Variants in CREB1 observed in about 807,000 individuals in gnomAD.
CREB1 encodes cyclic AMP-responsive element-binding protein 1.
Under a neutral mutation model 42.0 loss-of-function variants are expected in CREB1, and 2 were observed. The observed-to-expected ratio is 0.05, with a 90% CI of 0.02 to 0.15. CREB1 has a LOEUF of 0.15. Among genes scored for constraint, CREB1 ranks in the 10% least tolerant of loss-of-function variants. The pLI, the probability that CREB1 is intolerant of heterozygous loss-of-function variation, is 1.00. For synonymous variants in CREB1, 123 were observed against 139.9 expected, an observed-to-expected ratio of 0.88 and a Z score of 0.85; for missense variants, 199 against 388.9, an observed-to-expected ratio of 0.51 and a Z score of 4.11.
At chr2:207,556,952 C>T (rs2081750105) in intron 2 of CREB1, among the ~76,000 whole-genome samples, 1 of 152,108 alleles carries the variant, frequency 6.6e-6, no homozygotes, top group Non-Finnish European at 1.5e-5. Flanking sequence ...GCCTGGCCAA[C>T]ATGGTGAAAC....
At chr2:207,565,982 CATT>C (rs1424435309) in intron 3 of CREB1, among the ~76,000 whole-genome samples, 1 of 152,178 alleles carries the variant, frequency 6.6e-6, no homozygotes, top group Non-Finnish European at 1.5e-5. Flanking sequence ...GTAATTACAG[CATT>C]ATTATTCTGC....
intron 5 of CREB1, among the ~76,000 whole-genome samples, chr2:207,574,250 G>A (rs1344612497): frequency 6.6e-6 from 1 of 152,160 alleles, no homozygotes; most frequent in Non-Finnish European, 1.5e-5. Flanking sequence ...CAGACATGTT[G>A]ACTTTCCTGC....
At chr2:207,552,042 C>CAA (rs71036931) in intron 1 of CREB1, among the ~76,000 whole-genome samples, 38,106 of 70,236 alleles carry the variant, frequency 0.54, 10,444 homozygotes, top group East Asian at 0.88. Context: ...AACTCCGTCT[C>CAA]AAAAAAAAAA....
At chr2:207,576,792 T>C in intron 6 of CREB1, 13 of 1,040,340 alleles carry the variant, frequency 1.2e-5, no homozygotes, top group Non-Finnish European at 1.5e-5. Flanking sequence ...TTCAAATTTT[T>C]TTAAGTAACA....
intron 5 of CREB1, among the ~76,000 whole-genome samples, chr2:207,571,021 C>CTTTTTTTT (rs1559044431): frequency 1.2e-4 from 2 of 16,684 alleles, no homozygotes; most frequent in Non-Finnish European, 6.9e-4. Flanking sequence ...TCTCTTTTTC[C>CTTTTTTTT]CTTTTTTTTT....
chr2:207,532,775 G>A (rs2080702092), intron 1 of CREB1, among the ~76,000 whole-genome samples: 1 of 151,738 alleles, frequency 6.6e-6, no homozygotes, highest in Non-Finnish European at 1.5e-5. Context: ...TTTTGAGACG[G>A]AGTTTGGCCC....
intron 5 of CREB1, among the ~76,000 whole-genome samples, chr2:207,573,564 T>A (rs961395815): frequency 1.3e-5 from 2 of 152,074 alleles, no homozygotes; most frequent in Admixed American, 6.6e-5. Context: ...AGCAAAACCC[T>A]GTCTCTACAA....
intron 2 of CREB1, chr2:207,559,374 A>AGTAATGAGGTTT: frequency 2.8e-6 from 2 of 719,410 alleles, no homozygotes; most frequent in Non-Finnish European, 3.4e-6. Context: ...TTTTTCTTTT[A>AGTAATGAGGTTT]GCAAACCTCA....
intron 6 of CREB1, among the ~76,000 whole-genome samples, chr2:207,575,865 C>A (rs998682145): frequency 8.4e-5 from 11 of 131,618 alleles, no homozygotes; most frequent in Non-Finnish European, 1.6e-4. Context: ...GTTTTTTCAT[C>A]TGTAAAATAA....
Position 207,604,728 on chromosome 2 carries a change from T to TA in CREB1, c.*7671dup, listed in dbSNP as rs1318289614. 6.6e-6 allele frequency among the ~76,000 whole-genome samples: 1 copy of TA among 152,186 alleles called. No individual in the cohort carries two copies. The highest frequency in any genetic ancestry group is 2.4e-5 in the African/African-American group (1 of 41,444). ...CATCACTCCAAAAGTAAAGTCCCGT[T>TA]ACTCTCCATTTTCTCCTCCCACCGC... is the stretch of plus-strand genomic sequence containing the variant. On this transcript the variant is annotated 3_prime_UTR_variant, in exon 8 of 8. Coordinates refer to ENST00000353267, the MANE Select transcript of CREB1 (RefSeq NM_004379.5).
rs547646026 is a variant in CREB1 at position 207,576,285 on chromosome 2, G to A, written c.688+831G>A. On this transcript the variant is annotated intron_variant, in intron 6 of 7. Transcript: ENST00000353267. ...AGTTTTTTTTTTCTGTTTATTTCAG[G>A]AATCTTTATGGATAGCAGTTAACCA... Among the ~76,000 whole-genome samples the A allele has an allele frequency of 6.6e-5, 9 of 135,994 alleles. No individual in the cohort carries two copies. The South Asian group carries it at 2.1e-3, about 31-fold the overall frequency. 89.2% of individuals were successfully genotyped at this position (135,994 alleles called of 152,430 possible). A position where few individuals can be genotyped will look rare whatever the true frequency, so the allele number is the denominator to read the frequency against.
chr2:207,578,976 C>T (rs925072795), intron 7 of CREB1, among the ~76,000 whole-genome samples: 4 of 152,018 alleles, frequency 2.6e-5, no homozygotes, highest in Non-Finnish European at 5.9e-5. Context: ...TTAGTAGAGA[C>T]ATGATTTCAC....
intron 5 of CREB1, among the ~76,000 whole-genome samples, chr2:207,571,021 C>CTTTTTTTTTT (rs1559044431): frequency 1.4e-3 from 24 of 16,662 alleles, no homozygotes; most frequent in Non-Finnish European, 7.6e-3. Flanking sequence ...TCTCTTTTTC[C>CTTTTTTTTTT]CTTTTTTTTT....
At chr2:207,533,129 A>G (rs957348522) in intron 1 of CREB1, among the ~76,000 whole-genome samples, 4 of 152,082 alleles carry the variant, frequency 2.6e-5, no homozygotes, top group Admixed American at 6.5e-5. Flanking sequence ...AAAGCTAATA[A>G]ATTACTTGAC....
At chr2:207,584,184 T>C (rs1236864666) in intron 7 of CREB1, among the ~76,000 whole-genome samples, 1 of 152,234 alleles carries the variant, frequency 6.6e-6, no homozygotes, top group Non-Finnish European at 1.5e-5. Flanking sequence ...GTAGGCTGGT[T>C]GCATGAAATG....
chr2:207,538,973 A>G (rs2080985078), intron 1 of CREB1, among the ~76,000 whole-genome samples: 1 of 151,958 alleles, frequency 6.6e-6, no homozygotes, highest in South Asian at 2.1e-4. Context: ...AGTTGGCAGT[A>G]GGGGACACAG....
chr2:207,549,748 C>T (rs1042199711), intron 1 of CREB1, among the ~76,000 whole-genome samples: 2 of 152,030 alleles, frequency 1.3e-5, no homozygotes, highest in Non-Finnish European at 2.9e-5. Flanking sequence ...CTTTGGGAGC[C>T]GAGGTGGGCA....
rs1467548596 is a variant in CREB1, at chr2:207,577,489, T to C, written c.689-16T>C. ...GCAATGTTTCTGTCTTACACCATGCTCACTGTTTTTTTCAGCTGCCTCTGG... is the reference window on the plus strand; with the variant it reads ...GCAATGTTTCTGTCTTACACCATGCCCACTGTTTTTTTCAGCTGCCTCTGG... On this transcript the variant is annotated splice_polypyrimidine_tract_variant and intron_variant, in intron 6 of 7. Coordinates refer to ENST00000353267, the MANE Select transcript of CREB1 (RefSeq NM_004379.5). The C allele has an allele frequency of 6.2e-7, 1 of 1,613,046 alleles. No homozygotes were observed. The highest frequency in any genetic ancestry group is 8.5e-7 in the Non-Finnish European group (1 of 1,179,328).
At chr2:207,568,863 AT>A (rs1037549983) in intron 4 of CREB1, among the ~76,000 whole-genome samples, 9 of 151,966 alleles carry the variant, frequency 5.9e-5, no homozygotes, top group Non-Finnish European at 1.0e-4. Context: ...TAAGTGAAAC[AT>A]TTAACACTGT....
Sources: gnomAD v4.1 joint callset for allele counts (sites outside exome capture counted in the v4.1 genomes callset) on GRCh38, gnomAD v4.1.1 for gene constraint, MANE v1.5 for transcripts, NCBI Gene and HGNC (gene_info 2026-07-23, HGNC 2026-07-21) for gene names.